The following IFT43 variants were observed in gnomAD, a reference collection of about 807,000 sequenced individuals.
IFT43 encodes the protein intraflagellar transport 43.
IFT43 carries 33 observed loss-of-function variants against 32.3 expected under a neutral mutation model. The observed-to-expected ratio is 1.02, with a 90% CI of 0.77 to 1.37. The LOEUF (loss-of-function observed/expected upper bound fraction) is 1.37. IFT43 is among the 40% of genes most tolerant of loss of function. The pLI is 0.00. For synonymous variants in IFT43, 93 were observed against 98.2 expected, an observed-to-expected ratio of 0.95 and a Z score of 0.31; for missense variants, 274 against 265.9, an observed-to-expected ratio of 1.03 and a Z score of -0.21.
chr14:76,046,640 G>A (rs911307212), intron 3 of IFT43, among the ~76,000 whole-genome samples: 3 of 152,204 alleles, frequency 2.0e-5, no homozygotes, highest in African/African-American at 7.2e-5. Context: ...TGTTCACCGA[G>A]CACTTCCTGT....
chr14:76,033,005 A>G (rs1286122165), intron 3 of IFT43, among the ~76,000 whole-genome samples: 3 of 152,176 alleles, frequency 2.0e-5, no homozygotes, highest in East Asian at 1.9e-4. Flanking sequence ...GGTAATTTCC[A>G]TAGCTCAAGA....
chr14:76,073,798 G>A (rs2037364726), intron 5 of IFT43, among the ~76,000 whole-genome samples: 2 of 152,258 alleles, frequency 1.3e-5, no homozygotes, highest in South Asian at 2.1e-4. Flanking sequence ...CAGCAGCGGA[G>A]GGACAGAGAA....
chr14:76,076,779 A>G (rs566542689), intron 5 of IFT43: 2 of 1,463,190 alleles, frequency 1.4e-6, no homozygotes, highest in African/African-American at 2.8e-5. Context: ...TGCGCATGTG[A>G]TGATATTATC....
At chr14:75,986,752 C>G (rs2035538098) in intron 1 of IFT43, among the ~76,000 whole-genome samples, 1 of 152,194 alleles carries the variant, frequency 6.6e-6, no homozygotes, top group Admixed American at 6.5e-5. Context: ...TGGTTAGGAT[C>G]GCACTTACTA....
chr14:76,021,419 G>A (rs1006398027), intron 2 of IFT43, among the ~76,000 whole-genome samples: 1 of 152,130 alleles, frequency 6.6e-6, no homozygotes, highest in Non-Finnish European at 1.5e-5. Context: ...TGCCTATAAT[G>A]GAGTCCCCTG....
At chr14:76,065,877 CCCGAAGTG>C (rs2037217451) in intron 5 of IFT43, among the ~76,000 whole-genome samples, 1 of 152,238 alleles carries the variant, frequency 6.6e-6, no homozygotes, top group South Asian at 2.1e-4. Flanking sequence ...ACCTCGGTTT[CCCGAAGTG>C]CCGGACTACA....
Position 75,985,795 on chromosome 14 carries a change from T to C in IFT43, c.9T>C (p.Asp3=), listed in dbSNP as rs769058696. Residue 3 remains aspartate, a synonymous_variant, in exon 1 of 9, where the codon GAT becomes GAC. Coordinates refer to ENST00000314067, the MANE Select transcript of IFT43 (RefSeq NM_001102564.3). The part of the protein sequence containing the change: ME[D]LLDLDEELRY... ...GTCAGGCGGCCGCGGAGATGGAGGA[T>C]TTGCTCGACTTGGACGAGGAGCTTC... is the stretch of plus-strand genomic sequence containing the variant. The C allele has an allele frequency of 8.1e-6, 13 of 1,613,932 alleles. No homozygotes were observed. Among genetic ancestry groups the C allele is most frequent in the East Asian group, 4.5e-5 (2 of 44,890 alleles).
chr14:76,052,502 T>A (rs2036934318), intron 3 of IFT43, among the ~76,000 whole-genome samples: 2 of 152,092 alleles, frequency 1.3e-5, no homozygotes, highest in South Asian at 4.2e-4. Flanking sequence ...GATGGCCAGA[T>A]CAGGCCCCCT....
chr14:76,072,854 A>G (rs1043463257), intron 5 of IFT43, among the ~76,000 whole-genome samples: 3 of 152,188 alleles, frequency 2.0e-5, no homozygotes, highest in Non-Finnish European at 2.9e-5. Flanking sequence ...GACAAAGCCA[A>G]TCCCATTTAG....
chr14:76,078,700 G>C (rs2037453843), intron 5 of IFT43, among the ~76,000 whole-genome samples: 1 of 152,204 alleles, frequency 6.6e-6, no homozygotes, highest in Non-Finnish European at 1.5e-5. Flanking sequence ...ATCAGAGCTG[G>C]GGCAGAGAGC....
At chr14:76,069,646 A>T (rs1389871564) in intron 5 of IFT43, among the ~76,000 whole-genome samples, 1 of 152,256 alleles carries the variant, frequency 6.6e-6, no homozygotes, top group Non-Finnish European at 1.5e-5. Context: ...TATGGACTCA[A>T]CTTTCAAAAG....
intron 5 of IFT43, among the ~76,000 whole-genome samples, chr14:76,074,885 T>C (rs771372375): frequency 2.0e-5 from 3 of 152,092 alleles, no homozygotes; most frequent in Non-Finnish European, 4.4e-5. Context: ...CCCCAACCCA[T>C]TGTCAGCCAA....
chr14:75,996,458 C>G (rs1363807481), intron 2 of IFT43, among the ~76,000 whole-genome samples: 2 of 152,318 alleles, frequency 1.3e-5, no homozygotes, highest in South Asian at 4.1e-4. Context: ...TTATCTGTAT[C>G]AAACGAGAAT....
intron 3 of IFT43, among the ~76,000 whole-genome samples, chr14:76,056,047 A>C (rs1447621707): frequency 6.6e-6 from 1 of 152,220 alleles, no homozygotes; most frequent in East Asian, 1.9e-4. Context: ...TTTTATACAA[A>C]ATCTCCCCAT....
chr14:76,031,429 G>C (rs1406961701), intron 3 of IFT43, among the ~76,000 whole-genome samples: 1 of 152,098 alleles, frequency 6.6e-6, no homozygotes, highest in African/African-American at 2.4e-5. Context: ...TCTATTCCTA[G>C]GCTATTATGT....
intron 2 of IFT43, among the ~76,000 whole-genome samples, chr14:76,017,366 T>C (rs1212546111): frequency 1.3e-5 from 2 of 152,206 alleles, no homozygotes; most frequent in Non-Finnish European, 2.9e-5. Context: ...GATTTGCTTG[T>C]GTTGAACCCT....
At chr14:76,038,326 CTGCT>C (rs932599815) in intron 3 of IFT43, among the ~76,000 whole-genome samples, 6 of 152,176 alleles carry the variant, frequency 3.9e-5, no homozygotes, top group African/African-American at 1.2e-4. Context: ...TGTGAACTCT[CTGCT>C]TGGATCTCTG....
At chr14:76,046,743 T>G (rs1222724671) in intron 3 of IFT43, among the ~76,000 whole-genome samples, 1 of 152,244 alleles carries the variant, frequency 6.6e-6, no homozygotes, top group Non-Finnish European at 1.5e-5. Context: ...ATCACCAGCT[T>G]GGCAGAGTTT....
chr14:76,044,459 A>G (rs1201495816), intron 3 of IFT43, among the ~76,000 whole-genome samples: 2 of 152,304 alleles, frequency 1.3e-5, no homozygotes, highest in South Asian at 2.1e-4. Context: ...CATCACCTGA[A>G]TACATTCTTG....
Sources: gnomAD v4.1 joint callset for allele counts (sites outside exome capture counted in the v4.1 genomes callset) on GRCh38, gnomAD v4.1.1 for gene constraint, MANE v1.5 for transcripts, NCBI Gene and HGNC (gene_info 2026-07-23, HGNC 2026-07-21) for gene names.